Variants in UTP20 observed in about 807,000 individuals in gnomAD.
UTP20 encodes the protein small subunit processome component 20 homolog.
In UTP20, 164 loss-of-function variants were observed where a neutral mutation model predicts 329.5. The ratio of observed to expected loss-of-function variants is 0.50; its 90% CI spans 0.44 to 0.57. The LOEUF (loss-of-function observed/expected upper bound fraction) is 0.57. Among genes scored for constraint, UTP20 ranks in the 20% least tolerant of loss-of-function variants. UTP20 has a pLI of 0.00. For synonymous variants in UTP20, 1,151 were observed against 1,159.3 expected (o/e 0.99, Z 0.14); for missense variants, 3,055 against 3,284.2 (o/e 0.93, Z 1.71).
At position 101,291,625 on chromosome 12, in the gene UTP20, T is replaced by C. The variant is rs1872158418; in HGVS notation, c.892-117T>C. On this transcript the variant is annotated intron_variant, in intron 8 of 61. Coordinates refer to ENST00000261637, the MANE Select transcript of UTP20 (RefSeq NM_014503.3). ...TCGTTAGTGAGTCCTGGTAAATGTA[T>C]CTTTTTCTTCCAAAGCAAGAGAATG... is the stretch of plus-strand genomic sequence containing the variant. The C allele has an allele frequency of 2.8e-6, 3 of 1,087,064 alleles. No homozygotes were observed. The South Asian group carries it at 7.0e-5, about 25-fold the overall frequency. The allele number at this position is 1,087,064 out of a possible 1,614,324, so 67.3% of individuals were successfully genotyped here.
chr12:101,362,069 T>TACAG lies in UTP20; in HGVS notation c.5790+11_5790+14dup, dbSNP rs1869942944. 1.2e-6 allele frequency: 2 copies of TACAG among 1,602,742 alleles called. No homozygotes were observed. The highest frequency in any genetic ancestry group is 8.5e-7 in the Non-Finnish European group (1 of 1,174,112). ...TAGATATAATGATTGAGGTAAGACTTACAGAAACGAATTCTAATTTTTTTT... is the reference window on the plus strand; with the variant it reads ...TAGATATAATGATTGAGGTAAGACTTACAGACAGAAACGAATTCTAATTTTTTTT... On this transcript the variant is annotated intron_variant, in intron 44 of 61. Transcript: ENST00000261637.
At chr12:101,291,083 A>G (rs1267998758) in intron 8 of UTP20, 195 bp downstream of exon 8, 2 of 483,420 alleles carry the variant, frequency 4.1e-6, no homozygotes, top group Admixed American at 4.1e-5. Context: ...CTTGAGATGC[A>G]GTAGAAGGCT....
At chr12:101,381,039 A>C (rs1870629327) in intron 57 of UTP20, 101 bp from the exon 58 acceptor site, 7 of 1,029,078 alleles carry the variant, frequency 6.8e-6, no homozygotes. Flanking sequence ...TCAGAGCAAA[A>C]TCCAGTACGT....
chr12:101,345,496 A>T (rs1593441683), intron 36 of UTP20, 58 bp from the exon 37 acceptor site: 3 of 1,104,266 alleles, frequency 2.7e-6, no homozygotes, highest in Non-Finnish European at 3.7e-6. Context: ...CTGTTTCCTC[A>T]TATTAGAAAC....
chr12:101,328,847 C>T (rs561746185), intron 26 of UTP20, among the ~76,000 whole-genome samples: 10 of 142,246 alleles, frequency 7.0e-5, no homozygotes, highest in Admixed American at 3.0e-4. Context: ...CCAGCCTGGG[C>T]GACAGAGTGA....
rs367895062 is a variant in UTP20, at chr12:101,305,115, C to T, written c.1782-800C>T. ...ACTCCCTGCATGTCAATCTCTTTGT[C>T]AAGCCTTTTTCCCCTGGTTTTCTGG... On this transcript the variant is annotated intron_variant, in intron 15 of 61. Transcript: ENST00000261637. 1.9e-3 allele frequency among the ~76,000 whole-genome samples: 291 copies of T among 152,158 alleles called. 2 individuals are homozygous for T. Among genetic ancestry groups the T allele is most frequent in the African/African-American group, 6.7e-3 (277 of 41,496 alleles).
At chr12:101,337,419 G>A (rs1868968939) in intron 29 of UTP20, among the ~76,000 whole-genome samples, 2 of 152,184 alleles carry the variant, frequency 1.3e-5, no homozygotes, top group African/African-American at 2.4e-5. Context: ...TCAACTGCCG[G>A]TTTACCCTTG....
intron 52 of UTP20, 23 bp downstream of exon 52, chr12:101,372,986 A>T (rs1277075990): frequency 6.3e-7 from 1 of 1,596,734 alleles, no homozygotes; most frequent in Admixed American, 1.7e-5. Flanking sequence ...TATTAACTAC[A>T]CAGGGGCGGA....
Position 101,309,818 on chromosome 12 carries a change from A to T in UTP20, c.2210A>T (p.Asp737Val), listed in dbSNP as rs1872731382. The part of the protein sequence containing the change: ...MLYINFSALW[D>V]PVIELISSHA... ...TATATTAATTTCAGTGCACTCTGGG[A>T]TCCTGTTATTGAACTCATAAGGTAA... Residue 737 changes from aspartate to valine, a missense_variant, in exon 19 of 62, where the codon GAT becomes GTT. Physicochemically the swap from Asp to Val is radical, Grantham distance 152. This residue lies in a region of UTP20 where 2,445 missense variants were observed against 2,575.5 expected (regional missense o/e 0.95). Transcript: ENST00000261637. 6.2e-7 allele frequency: 1 copy of T among 1,613,542 alleles called. No individual in the cohort carries two copies. The highest frequency in any genetic ancestry group is 8.5e-7 in the Non-Finnish European group (1 of 1,179,976).
chr12:101,326,317 AC>A (rs1388347217), intron 25 of UTP20, among the ~76,000 whole-genome samples: 8 of 152,098 alleles, frequency 5.3e-5, no homozygotes, highest in Non-Finnish European at 1.0e-4. Context: ...ATTTTCATTA[AC>A]CCTTCTCAAT....
intron 14 of UTP20, 85 bp from the exon 15 acceptor site, chr12:101,302,363 G>A (rs1872542240): frequency 5.2e-6 from 4 of 765,364 alleles, no homozygotes; most frequent in Non-Finnish European, 8.5e-6. Flanking sequence ...CCCATAAGTA[G>A]CAAGTATTCA....
chr12:101,304,843 C>T (rs911397529), intron 15 of UTP20, among the ~76,000 whole-genome samples: 3 of 152,122 alleles, frequency 2.0e-5, no homozygotes, highest in Admixed American at 6.5e-5. Context: ...CTCGGGGCTC[C>T]GTATGAGCTA....
Position 101,342,563 on chromosome 12 carries a change from A to G in UTP20, c.4219A>G (p.Arg1407Gly). The G allele has an allele frequency of 6.2e-7, 1 of 1,613,004 alleles. No individual in the cohort carries two copies. Among genetic ancestry groups the G allele is most frequent in the South Asian group, 1.1e-5 (1 of 90,772 alleles). ...LFSVIKNKLSRKLLCTVFETL... is the reference protein window; with the variant it reads ...LFSVIKNKLSGKLLCTVFETL... ...CTCAGTTATTAAGAACAAATTGTCA[A>G]GAAAATTGCTTTGTACGGTTTTTGA... Residue 1407 changes from arginine (R) to glycine (G), a missense_variant, in exon 33 of 62, where the codon AGA becomes GGA. Around this residue, in one of 3 missense-constraint regions of UTP20, gnomAD observed 2,445 missense variants for 2,575.5 expected, o/e 0.95. Transcript: ENST00000261637.
At chr12:101,285,910 A>C (rs1871947037) in intron 4 of UTP20, 29 bp downstream of exon 4, 2 of 1,606,164 alleles carry the variant, frequency 1.2e-6, no homozygotes, top group Non-Finnish European at 8.5e-7. Flanking sequence ...GAAAGCTCAC[A>C]ACTATATTTG....
intron 19 of UTP20, among the ~76,000 whole-genome samples, chr12:101,311,101 G>T (rs1422018556): frequency 6.6e-6 from 1 of 152,130 alleles, no homozygotes; most frequent in Non-Finnish European, 1.5e-5. Context: ...ATACCTGTTG[G>T]TTTGTTTTCT....
At position 101,290,905 on chromosome 12, in the gene UTP20, A is replaced by G; in HGVS notation, c.891+17A>G. 1 of 1,602,652 alleles carries G rather than the reference A, an allele frequency of 6.2e-7. No individual in the cohort carries two copies. The highest frequency in any genetic ancestry group is 2.2e-5 in the East Asian group (1 of 44,736). On this transcript the variant is annotated intron_variant, in intron 8 of 61. Coordinates refer to ENST00000261637, the MANE Select transcript of UTP20 (RefSeq NM_014503.3). The stretch of plus-strand genomic sequence containing the variant: ...TGTTTGCAAGTGAGTTCTAATCTTT[A>G]AGGATGGGTTTTTGATAAGGAGTCT...
rs749729594 is a variant in UTP20 at position 101,373,458 on chromosome 12, C to G, written c.6936C>G (p.Asp2312Glu). 2 of 1,614,220 alleles carry G rather than the reference C, an allele frequency of 1.2e-6. No homozygotes were observed. The highest frequency in any genetic ancestry group is 2.2e-5 in the South Asian group (2 of 91,084). Residue 2312 changes from aspartate to glutamate, a missense_variant, in exon 53 of 62, where the codon GAC becomes GAG. Around this residue, in one of 3 missense-constraint regions of UTP20, gnomAD observed 273 missense variants for 363.1 expected, o/e 0.75. Coordinates refer to ENST00000261637, the MANE Select transcript of UTP20 (RefSeq NM_014503.3). ...TGGAAATGATCGCCTATCTCTTTGA[C>G]ACGTTCCCTCAGGTACTGTGACCCC... The part of the protein sequence containing the change: ...STLEMIAYLF[D>E]TFPQGLLHEN...
At chr12:101,315,133 G>T (rs1161209553) in intron 21 of UTP20, among the ~76,000 whole-genome samples, 2 of 151,998 alleles carry the variant, frequency 1.3e-5, no homozygotes, top group Non-Finnish European at 1.5e-5. Flanking sequence ...GTGTGTATGT[G>T]ATACCAGTGC....
chr12:101,307,322 C>G (rs962430445), intron 17 of UTP20, among the ~76,000 whole-genome samples: 2 of 146,720 alleles, frequency 1.4e-5, no homozygotes, highest in East Asian at 4.4e-4. Flanking sequence ...CACACACACA[C>G]ACATAATTTA....
Sources: gnomAD v4.1 joint callset for allele counts (sites outside exome capture counted in the v4.1 genomes callset) on GRCh38, gnomAD v4.1.1 for gene constraint, gnomAD v4.1.1 regional missense constraint, MANE v1.5 for transcripts, NCBI Gene and HGNC (gene_info 2026-07-23, HGNC 2026-07-21) for gene names.